The following PRRG2 variants were observed in gnomAD, a reference collection of about 807,000 sequenced individuals.
PRRG2 encodes the protein transmembrane gamma-carboxyglutamic acid protein 2.
In PRRG2, 23 loss-of-function variants were observed where a neutral mutation model predicts 27.1. That is an observed-to-expected ratio of 0.85 (90% confidence interval 0.61 to 1.20). PRRG2 has a LOEUF of 1.20. Among genes scored for constraint, PRRG2 ranks in the 50% most tolerant of loss-of-function variants. The pLI is 0.00. For missense variants in PRRG2, 276 were observed against 254.8 expected, an observed-to-expected ratio of 1.08 and a Z score of -0.57; for synonymous variants, 104 against 103.4, an observed-to-expected ratio of 1.01 and a Z score of -0.03.
upstream of PRRG2, chr19:49,580,752 T>G (rs1358440306): frequency 6.6e-6 from 1 of 152,198 alleles, no homozygotes; most frequent in Non-Finnish European, 1.5e-5. Flanking sequence ...GGTGGGAATA[T>G]GGGGAACGCT....
chr19:49,589,445 TTA>T lies in PRRG2; in HGVS notation c.438-454_438-453del, dbSNP rs1491153095. Among the ~76,000 whole-genome samples, 545 of 128,058 alleles carry T rather than the reference TTA, an allele frequency of 4.3e-3. 3 individuals carry two copies. The highest frequency in any genetic ancestry group is 0.014 in the African/African-American group (404 of 29,296). 84.0% of individuals were successfully genotyped at this position (128,058 alleles called of 152,430 possible). On this transcript the variant is annotated intron_variant, in intron 5 of 6. Coordinates refer to ENST00000246794, the MANE Select transcript of PRRG2 (RefSeq NM_000951.3). ...CTGGCCCTTTTTTTTTTTTTTTTTT[TTA>T]AAAAAAGACAAAGTCTCACTCTGTT...
chr19:49,590,237 T>A (rs1568418793), intron 6 of PRRG2, 134 bp from the exon 7 acceptor site: 1 of 1,467,474 alleles, frequency 6.8e-7, no homozygotes, highest in Non-Finnish European at 9.5e-7. Context: ...TGTGGAGCCG[T>A]ATAGGAGGGT....
At chr19:49,584,137 C>T (rs1363144062) in intron 4 of PRRG2, among the ~76,000 whole-genome samples, 185 bp downstream of exon 4, 1 of 151,922 alleles carries the variant, frequency 6.6e-6, no homozygotes, top group Non-Finnish European at 1.5e-5. Flanking sequence ...TGAGGAGCCC[C>T]CCACACCTTA....
chr19:49,588,124 G>T (rs113451555), intron 4 of PRRG2, among the ~76,000 whole-genome samples: 3,167 of 151,154 alleles, frequency 0.021, 107 homozygotes, highest in African/African-American at 0.072. Context: ...ACCATGCCTG[G>T]CTAATTTTTT....
At chr19:49,589,026 A>G (rs1292717945) in intron 5 of PRRG2, among the ~76,000 whole-genome samples, 6 of 151,344 alleles carry the variant, frequency 4.0e-5, no homozygotes, top group Admixed American at 6.6e-5. Context: ...GGTGTGGGAA[A>G]TTGGTGAGGA....
At chr19:49,583,342 G>A (rs763162552) in intron 2 of PRRG2, 38 bp downstream of exon 2, 21 of 1,599,248 alleles carry the variant, frequency 1.3e-5, no homozygotes, top group South Asian at 4.4e-5. Flanking sequence ...GACACTTGGC[G>A]TTGGCCTCCC....
chr19:49,587,318 G>A, intron 4 of PRRG2, among the ~76,000 whole-genome samples: 1 of 144,832 alleles, frequency 6.9e-6, no homozygotes. Context: ...TAGTACATGT[G>A]ACATCCTTTT....
intron 5 of PRRG2, 26 bp from the exon 6 acceptor site, chr19:49,589,874 G>T: frequency 6.2e-7 from 1 of 1,612,556 alleles, no homozygotes; most frequent in East Asian, 2.2e-5. Flanking sequence ...AGTTGCCTCT[G>T]CTAACTGTAC....
Position 49,590,582 on chromosome 19 carries a change from G to C in PRRG2, c.*193G>C. 2 of 727,706 alleles carry C rather than the reference G, an allele frequency of 2.7e-6. No homozygotes were observed. The highest frequency in any genetic ancestry group is 4.5e-6 in the Non-Finnish European group (2 of 442,910). The allele number at this position is 727,706 out of a possible 1,614,324, so 45.1% of individuals were successfully genotyped here. ...TGGATATACACATGTTTTCGGCAAC[G>C]TGTTCCCGTGTCCTGGCCCCTCACG... On this transcript the variant is annotated 3_prime_UTR_variant, in exon 7 of 7. Transcript: ENST00000246794.
chr19:49,586,808 G>A (rs997832494), intron 4 of PRRG2, among the ~76,000 whole-genome samples: 1 of 152,058 alleles, frequency 6.6e-6, no homozygotes, highest in Non-Finnish European at 1.5e-5. Flanking sequence ...CCGAGATTGC[G>A]CCACTGCACG....
At chr19:49,590,264 G>T in intron 6 of PRRG2, 107 bp from the exon 7 acceptor site, 2 of 1,544,374 alleles carry the variant, frequency 1.3e-6, no homozygotes, top group East Asian at 2.2e-5. Context: ...TGTGCCCAGA[G>T]GGTCCTGGAT....
intron 2 of PRRG2, 118 bp downstream of exon 2, chr19:49,583,422 C>A: frequency 1.3e-6 from 2 of 1,502,402 alleles, no homozygotes; most frequent in Non-Finnish European, 9.1e-7. Flanking sequence ...CTCCTTCAGA[C>A]CCAGGAATCT....
chr19:49,584,638 A>T (rs1468067437), intron 4 of PRRG2, among the ~76,000 whole-genome samples: 1 of 152,028 alleles, frequency 6.6e-6, no homozygotes, highest in East Asian at 1.9e-4. Flanking sequence ...TAATTTTTGT[A>T]GTTTTTGTAC....
intron 4 of PRRG2, among the ~76,000 whole-genome samples, chr19:49,585,407 T>C (rs555604358): frequency 2.6e-5 from 4 of 152,312 alleles, no homozygotes; most frequent in Admixed American, 1.3e-4. Context: ...TAGCGAGGCG[T>C]AGTGGCTCCT....
rs1271957727 is a variant in PRRG2 at position 49,590,379 on chromosome 19, G to A, written c.599G>A (p.Arg200Lys). ...TGCCTTTCCTCTTGCAGCCTCAGGAGGCCTCACTGAAGAGCTGCTTTCGAG... is the reference window on the plus strand; with the variant it reads ...TGCCTTTCCTCTTGCAGCCTCAGGAAGCCTCACTGAAGAGCTGCTTTCGAG... ...APPPPYTSLR[R>K]PH Residue 200 changes from arginine (R) to lysine (K), a missense_variant, in exon 7 of 7, where the codon AGG becomes AAG. By Grantham distance (26) the Arg-to-Lys change is conservative. Coordinates refer to ENST00000246794, the MANE Select transcript of PRRG2 (RefSeq NM_000951.3). The A allele has an allele frequency of 1.1e-5, 18 of 1,614,130 alleles. No homozygotes were observed. The highest frequency in any genetic ancestry group is 1.5e-5 in the Non-Finnish European group (18 of 1,180,010).
In PRRG2 at chr19:49,583,557, C is replaced by G. The variant is rs371492032; in HGVS notation, c.101C>G (p.Pro34Arg). 158 of 1,614,030 alleles carry G rather than the reference C, an allele frequency of 9.8e-5. No individual in the cohort carries two copies. The highest frequency in any genetic ancestry group is 1.2e-4 in the Non-Finnish European group (145 of 1,180,020). The change falls in exon 3 of 7, where the codon CCC (proline) becomes CGC (arginine). Residue 34 changes from proline (P) to arginine (R), a missense_variant. Pro to Arg is a moderately radical substitution (Grantham distance 103). Transcript: ENST00000246794. ...EETDQEVFLGPPEAQSFLSSH... is the reference protein window; with the variant it reads ...EETDQEVFLGRPEAQSFLSSH... Reference sequence around the variant, plus strand: ...TTGGGTCCAGAAGTCTTCCTGGGTCCCCCAGAGGCCCAGAGCTTCCTGAGT... The same window carrying G: ...TTGGGTCCAGAAGTCTTCCTGGGTCGCCCAGAGGCCCAGAGCTTCCTGAGT...
intron 5 of PRRG2, 66 bp downstream of exon 5, chr19:49,588,698 A>T: frequency 6.8e-7 from 1 of 1,468,920 alleles, no homozygotes; most frequent in Non-Finnish European, 9.0e-7. Context: ...CATTGACCTA[A>T]AGGGATGTGC....
upstream of PRRG2, among the ~76,000 whole-genome samples, chr19:49,581,168 G>A (rs1054536159): frequency 6.6e-6 from 1 of 152,146 alleles, no homozygotes; most frequent in East Asian, 1.9e-4. Context: ...CGGGAGGGAG[G>A]AGGAGGGTCG....
intron 6 of PRRG2, 63 bp downstream of exon 6, chr19:49,590,115 C>T (rs1460316177): frequency 1.9e-5 from 28 of 1,440,856 alleles, no homozygotes; most frequent in African/African-American, 4.3e-5. Context: ...GGAGGAGGAA[C>T]CTGGGCTCAG....
Sources: allele counts gnomAD v4.1 joint callset (sites outside exome capture counted in the v4.1 genomes callset), GRCh38; gene constraint gnomAD v4.1.1; transcripts MANE v1.5; gene names NCBI Gene and HGNC (gene_info 2026-07-23, HGNC 2026-07-21).